Variants in SVIL observed in about 807,000 individuals in gnomAD.
SVIL encodes the protein archvillin.
Under a neutral mutation model 240.4 loss-of-function variants are expected in SVIL, and 101 were observed. That is an observed-to-expected ratio of 0.42 (90% CI 0.36 to 0.50). SVIL has a LOEUF of 0.50. Among genes scored for constraint, SVIL ranks in the 20% least tolerant of loss-of-function variants. The pLI, the probability that SVIL is intolerant of heterozygous loss-of-function variation, is 0.01. For missense variants in SVIL, 2,512 were observed against 2,818.7 expected (o/e 0.89, Z 2.46); for synonymous variants, 999 against 1,100.0 (o/e 0.91, Z 1.82).
At chr10:29,704,782 C>G (rs149281548) in intron 1 of SVIL, among the ~76,000 whole-genome samples, 1 of 152,074 alleles carries the variant, frequency 6.6e-6, no homozygotes, top group Non-Finnish European at 1.5e-5. Context: ...TCCATCCTAG[C>G]GGACAACTCA....
chr10:29,466,974 TTGGGCAAGTTGATTAAC>T (rs1945003294), intron 33 of SVIL, among the ~76,000 whole-genome samples: 1 of 152,330 alleles, frequency 6.6e-6, no homozygotes, highest in Admixed American at 6.5e-5. Flanking sequence ...CTGCCCAGCC[TTGGGCAAGTTGATTAAC>T]TTCTGTATGC....
chr10:29,569,358 G>A, intron 1 of SVIL, 46 bp from the exon 2 acceptor site: 1 of 935,464 alleles, frequency 1.1e-6, no homozygotes, highest in Non-Finnish European at 1.3e-6. Context: ...TATGCAAATT[G>A]TTAAAAATCC....
upstream of SVIL, among the ~76,000 whole-genome samples, chr10:29,636,488 C>T (rs1958314894): frequency 6.6e-6 from 1 of 152,164 alleles, no homozygotes; most frequent in African/African-American, 2.4e-5. Context: ...CACTGCTTCC[C>T]CATAGCAACC....
intron 3 of SVIL, among the ~76,000 whole-genome samples, chr10:29,640,489 C>G (rs946392262): frequency 6.6e-6 from 1 of 152,144 alleles, no homozygotes; most frequent in Non-Finnish European, 1.5e-5. Context: ...TCTGCCACAC[C>G]TAAAGCAGAA....
In SVIL at chr10:29,470,404, G is replaced by T. The variant is rs1308513378; in HGVS notation, c.5715C>A (p.Ser1905Arg). 6.2e-7 allele frequency: 1 copy of T among 1,614,250 alleles called. No homozygotes were observed. Among genetic ancestry groups the T allele is most frequent in the Non-Finnish European group, 8.5e-7 (1 of 1,180,046 alleles). Reference sequence around the variant, plus strand: ...CCACCATGGAAGTTCTGGACCTCAGGCTGCTACAGTGACAGGCCACTTCCA... The same window carrying T: ...CCACCATGGAAGTTCTGGACCTCAGTCTGCTACAGTGACAGGCCACTTCCA... The part of the protein sequence containing the change: ...NLLEVACHCS[S>R]LRSRTSMVVL... Residue 1905 changes from serine to arginine, a missense_variant, in exon 32 of 38, where the codon AGC becomes AGA. This residue lies in a region of SVIL where 797 missense variants were observed against 925.3 expected (regional missense o/e 0.86). Coordinates refer to ENST00000355867, the MANE Select transcript of SVIL (RefSeq NM_021738.3).
chr10:29,641,153 A>AT (rs1181181280), intron 3 of SVIL, among the ~76,000 whole-genome samples: 1 of 152,194 alleles, frequency 6.6e-6, no homozygotes, highest in Non-Finnish European at 1.5e-5. Flanking sequence ...CATGCCTGTA[A>AT]TCCTAGCACT....
intron 1 of SVIL, among the ~76,000 whole-genome samples, chr10:29,582,252 T>G (rs1955975534): frequency 6.6e-6 from 1 of 152,116 alleles, no homozygotes; most frequent in Non-Finnish European, 1.5e-5. Context: ...TACAATAAAA[T>G]GTACACTGAG....
At chr10:29,471,091 A>G (rs1408751378) in intron 31 of SVIL, 47 bp downstream of exon 31, 39 of 1,540,268 alleles carry the variant, frequency 2.5e-5, no homozygotes, top group Non-Finnish European at 3.5e-5. Flanking sequence ...AATTCTTTCC[A>G]AGAGAGGGAA....
In SVIL at chr10:29,550,597, C is replaced by A; in HGVS notation, c.827G>T (p.Ser276Ile). Residue 276 changes from serine (S) to isoleucine (I), a missense_variant and splice_region_variant, in exon 6 of 38, where the codon AGT (serine) becomes ATT (isoleucine). Transcript: ENST00000355867. ...DPQLSPEARPSTGKPKHEWFL... is the reference protein window; with the variant it reads ...DPQLSPEARPITGKPKHEWFL... ...TGCTTAGCGTGGACTGGATGCTTAC[C>A]TGGGTCGGGCCTCAGGGGATAGCTG... is the stretch of plus-strand genomic sequence containing the variant. The A allele has an allele frequency of 6.2e-7, 1 of 1,603,688 alleles. No individual in the cohort carries two copies. Among genetic ancestry groups the A allele is most frequent in the Non-Finnish European group, 8.5e-7 (1 of 1,175,162 alleles).
intron 1 of SVIL, among the ~76,000 whole-genome samples, chr10:29,608,093 A>G (rs189410965): frequency 6.6e-6 from 1 of 152,312 alleles, no homozygotes; most frequent in East Asian, 1.9e-4. Context: ...TTTGGCAGTC[A>G]CTTTGAGTAT....
Position 29,602,497 on chromosome 10 carries a change from T to G in SVIL, c.-201+31923A>C, listed in dbSNP as rs74403874. Among the ~76,000 whole-genome samples, 1,281 of 152,238 alleles carry G rather than the reference T, an allele frequency of 8.4e-3. 22 individuals are homozygous for G. Among genetic ancestry groups the G allele is most frequent in the African/African-American group, 0.029 (1,202 of 41,516 alleles). On this transcript the variant is annotated intron_variant, in intron 1 of 37. Transcript: ENST00000355867. ...GTGAAGTGTTCACTGCCAGAATGAT[T>G]TGGGGGAAGAAAGAGAATGCAAATG...
At chr10:29,622,181 C>A (rs1447394386) in intron 1 of SVIL, among the ~76,000 whole-genome samples, 2 of 127,750 alleles carry the variant, frequency 1.6e-5, no homozygotes, top group East Asian at 5.3e-4. Context: ...ACCCGGGAGG[C>A]GGAGCTTGCA....
At chr10:29,511,202 C>A (rs114930371) in intron 17 of SVIL, among the ~76,000 whole-genome samples, 4 of 136,276 alleles carry the variant, frequency 2.9e-5, no homozygotes, top group East Asian at 1.9e-4. Flanking sequence ...CCTTAGCCAG[C>A]GTTCAGGTGG....
chr10:29,489,141 G>A (rs1440359920), intron 22 of SVIL, among the ~76,000 whole-genome samples: 2 of 152,190 alleles, frequency 1.3e-5, no homozygotes, highest in Non-Finnish European at 2.9e-5. Context: ...ATGACTGTTA[G>A]ACCGCTTTCA....
chr10:29,532,281 AC>A, intron 8 of SVIL, 109 bp from the exon 9 acceptor site: 1 of 1,341,956 alleles, frequency 7.5e-7, no homozygotes. Flanking sequence ...ACACCACCAA[AC>A]CCCTCTTCAT....
rs763049649 is a variant in SVIL at position 29,735,375 on chromosome 10, T to A, written c.-400+376A>T. On this transcript the variant is annotated intron_variant, in intron 1 of 35. Coordinates refer to the SVIL transcript ENST00000375400. The surrounding 1 kb of genome is among the most constrained non-coding windows in gnomAD (Gnocchi z 4.1). ...CCCCGGGCCACCCGCCTCCCCGCCA[T>A]GCTCTCAGCGTAACGGGCAGCCGCG... 1.5e-4 allele frequency among the ~76,000 whole-genome samples: 23 copies of A among 151,974 alleles called. No individual in the cohort carries two copies. Among genetic ancestry groups the A allele is most frequent in the Non-Finnish European group, 2.4e-4 (16 of 67,898 alleles).
intron 3 of SVIL, among the ~76,000 whole-genome samples, chr10:29,656,183 T>G (rs1040972960): frequency 3.3e-5 from 5 of 151,898 alleles, no homozygotes; most frequent in Non-Finnish European, 1.5e-5. Flanking sequence ...GTGAGTGTTT[T>G]TTTTTTTTTT....
intron 32 of SVIL, chr10:29,468,837 A>C (rs954482996): frequency 6.6e-6 from 1 of 152,192 alleles, no homozygotes; most frequent in African/African-American, 2.4e-5. Context: ...ATGTTTAATC[A>C]CATCTAATGT....
intron 17 of SVIL, among the ~76,000 whole-genome samples, chr10:29,500,847 C>A (rs1358314073): frequency 6.6e-6 from 1 of 152,162 alleles, no homozygotes; most frequent in South Asian, 2.1e-4. Flanking sequence ...CACTTCCCTT[C>A]ACTGACCCAC....
Sources: allele counts gnomAD v4.1 joint callset (sites outside exome capture counted in the v4.1 genomes callset), GRCh38; gene constraint gnomAD v4.1.1; regional missense constraint gnomAD v4.1.1; non-coding constraint Gnocchi (gnomAD v3.1); transcripts MANE v1.5; gene names NCBI Gene and HGNC (gene_info 2026-07-23, HGNC 2026-07-21).